Variants in DISC1 observed in about 807,000 individuals in gnomAD.
DISC1 encodes disrupted in schizophrenia 1 protein.
DISC1 carries 57 observed loss-of-function variants against 84.5 expected under a neutral mutation model. That is an observed-to-expected ratio of 0.67 (90% CI 0.55 to 0.84). The LOEUF is 0.84. Among genes scored for constraint, DISC1 ranks in the 40% least tolerant of loss-of-function variants. The probability of loss-of-function intolerance (pLI) is 0.00; values close to 1 mark genes in which losing one functional copy is unlikely to be tolerated. For missense variants in DISC1, 1,000 were observed against 1,057.8 expected, an observed-to-expected ratio of 0.95 and a Z score of 0.76; for synonymous variants, 411 against 415.2, an observed-to-expected ratio of 0.99 and a Z score of 0.12.
At chr1:231,812,882 A>C (rs1246549230) in intron 8 of DISC1, among the ~76,000 whole-genome samples, 1 of 152,204 alleles carries the variant, frequency 6.6e-6, no homozygotes, top group Non-Finnish European at 1.5e-5. Flanking sequence ...TCTGAGGTCA[A>C]AATGCCTATA....
At chr1:231,756,813 G>T (rs934330276) in intron 4 of DISC1, among the ~76,000 whole-genome samples, 5 of 152,136 alleles carry the variant, frequency 3.3e-5, no homozygotes, top group Admixed American at 2.6e-4. Context: ...CTAAACTAAA[G>T]TTATTTATGT....
chr1:231,936,888 G>A (rs996816318), intron 9 of DISC1, among the ~76,000 whole-genome samples: 1 of 152,146 alleles, frequency 6.6e-6, no homozygotes. Flanking sequence ...AGGCCTTTCT[G>A]ATATTACCTG....
At chr1:231,936,787 TTC>T (rs1446997103) in intron 9 of DISC1, among the ~76,000 whole-genome samples, 4 of 152,204 alleles carry the variant, frequency 2.6e-5, no homozygotes, top group Non-Finnish European at 5.9e-5. Flanking sequence ...CCATCTTATT[TTC>T]AGATATTTAA....
chr1:231,683,993 G>A (rs2063964139), intron 1 of DISC1, among the ~76,000 whole-genome samples: 1 of 152,080 alleles, frequency 6.6e-6, no homozygotes, highest in Non-Finnish European at 1.5e-5. Flanking sequence ...GGCTTGGGAA[G>A]CCTCAGCCTT....
intron 4 of DISC1, among the ~76,000 whole-genome samples, chr1:231,754,821 G>T (rs1316036056): frequency 1.3e-5 from 2 of 152,108 alleles, no homozygotes; most frequent in African/African-American, 4.8e-5. Flanking sequence ...GAAAAGTATA[G>T]GCCTTTATTA....
intron 9 of DISC1, chr1:231,944,920 C>T (rs1333607487): frequency 6.6e-6 from 1 of 152,228 alleles, no homozygotes; most frequent in Non-Finnish European, 1.5e-5. Context: ...GCACCCAATA[C>T]AGGAGCACCC....
intron 4 of DISC1, among the ~76,000 whole-genome samples, chr1:231,752,250 G>A (rs565903279): frequency 4.6e-4 from 70 of 152,308 alleles, no homozygotes; most frequent in African/African-American, 1.7e-3. Flanking sequence ...GAAGTTAATT[G>A]TCTCATGGTT....
At chr1:231,690,567 C>G (rs2125628760) in intron 1 of DISC1, among the ~76,000 whole-genome samples, 1 of 152,284 alleles carries the variant, frequency 6.6e-6, no homozygotes, top group African/African-American at 2.4e-5. Flanking sequence ...TGAATGCATC[C>G]TAATCCTTAT....
chr1:231,916,453 G>A (rs893177225), intron 9 of DISC1, among the ~76,000 whole-genome samples: 3 of 151,946 alleles, frequency 2.0e-5, no homozygotes, highest in African/African-American at 7.3e-5. Context: ...AGGAGATCGA[G>A]ACCATCCCGG....
intron 1 of DISC1, among the ~76,000 whole-genome samples, chr1:231,638,521 A>G (rs933527272): frequency 6.6e-6 from 1 of 152,144 alleles, no homozygotes; most frequent in Non-Finnish European, 1.5e-5. Context: ...AGTTTTGTAT[A>G]TGATGAGGTA....
rs1217160900 is a variant in DISC1, at chr1:232,037,502, C to T, written c.*671C>T. 1 of 152,216 alleles carries T rather than the reference C, an allele frequency of 6.6e-6. No individual in the cohort carries two copies. Among genetic ancestry groups the T allele is most frequent in the Admixed American group, 6.5e-5 (1 of 15,284 alleles). The allele number at this position is 152,216 out of a possible 1,614,324, so 9.4% of individuals were successfully genotyped here. A position where few individuals can be genotyped will look rare whatever the true frequency, so the allele number is the denominator to read the frequency against. ...CTGAAGAAAGGATCCCTGAGAGTCT[C>T]TGTTTCATCAGGACATTCTGAAATT... On this transcript the variant is annotated 3_prime_UTR_variant, in exon 13 of 13. Transcript: ENST00000439617.
chr1:231,693,992 C>A lies in DISC1; in HGVS notation c.234C>A (p.His78Gln). The A allele has an allele frequency of 1.2e-6, 2 of 1,614,150 alleles. No individual in the cohort carries two copies. The highest frequency in any genetic ancestry group is 1.3e-5 in the African/African-American group (1 of 75,064). The change falls in exon 2 of 13, where the codon CAC (histidine) becomes CAA (glutamine). Residue 78 changes from histidine to glutamine, a missense_variant. Physicochemically the swap from His to Gln is conservative, Grantham distance 24 (BLOSUM62 0). Coordinates refer to ENST00000439617, the MANE Select transcript of DISC1 (RefSeq NM_018662.3). ...PGGVSGEESH[H>Q]SESRARQCGL... ...GGGTGTCTGGCGAGGAGTCCCACCA[C>A]TCGGAGTCCAGGGCCAGACAGTGTG...
chr1:231,782,211 G>A (rs2077480705), intron 6 of DISC1, among the ~76,000 whole-genome samples: 1 of 152,130 alleles, frequency 6.6e-6, no homozygotes, highest in African/African-American at 2.4e-5. Flanking sequence ...ATTGGTGTTT[G>A]GATTCTTTAT....
intron 9 of DISC1, among the ~76,000 whole-genome samples, chr1:231,943,505 G>A (rs1257472599): frequency 6.6e-6 from 1 of 152,168 alleles, no homozygotes. Context: ...CAGCATGTGA[G>A]ACCCTAGTAC....
chr1:231,890,441 T>A (rs2087115823), intron 9 of DISC1, among the ~76,000 whole-genome samples: 1 of 152,228 alleles, frequency 6.6e-6, no homozygotes, highest in Admixed American at 6.5e-5. Flanking sequence ...CACTGGTTTT[T>A]AAAATTTTTT....
chr1:231,714,181 A>G (rs2068345407), intron 3 of DISC1, among the ~76,000 whole-genome samples: 1 of 152,124 alleles, frequency 6.6e-6, no homozygotes, highest in South Asian at 2.1e-4. Flanking sequence ...AATAAATATA[A>G]CCAAAGAAGT....
chr1:231,750,182 G>T, intron 4 of DISC1, 106 bp downstream of exon 4: 2 of 1,484,146 alleles, frequency 1.3e-6, no homozygotes, highest in Non-Finnish European at 1.8e-6. Flanking sequence ...ACCCTTGGCT[G>T]CCTTTCCTGG....
chr1:231,857,144 C>A (rs2084327462), intron 9 of DISC1, among the ~76,000 whole-genome samples: 1 of 152,142 alleles, frequency 6.6e-6, no homozygotes, highest in Non-Finnish European at 1.5e-5. Context: ...CTGGGAAAAA[C>A]CTGCAGCTGT....
chr1:231,703,127 T>G (rs755130609), intron 3 of DISC1, among the ~76,000 whole-genome samples: 1 of 152,216 alleles, frequency 6.6e-6, no homozygotes, highest in Non-Finnish European at 1.5e-5. Context: ...TTCTAGGAAA[T>G]GCTGTTGCAT....
Sources: allele counts gnomAD v4.1 joint callset (sites outside exome capture counted in the v4.1 genomes callset), GRCh38; gene constraint gnomAD v4.1.1; transcripts MANE v1.5; gene names NCBI Gene and HGNC (gene_info 2026-07-23, HGNC 2026-07-21).